CFTR: variants seen among roughly 807,000 people sequenced by gnomAD.
CFTR encodes the protein cystic fibrosis transmembrane conductance regulator.
In CFTR, 181 loss-of-function variants were observed where a neutral mutation model predicts 171.6. The observed-to-expected ratio is 1.05, with a 90% CI of 0.93 to 1.19. The LOEUF is 1.19. Ranked by LOEUF, CFTR falls within the 50% of genes most tolerant of loss-of-function variation. The pLI is 0.00. For synonymous variants in CFTR, 583 were observed against 608.0 expected (o/e 0.96, Z 0.60); for missense variants, 1,968 against 1,734.7 (o/e 1.13, Z -2.39).
At chr7:117,530,379 T>C (rs552404024) in intron 3 of CFTR, among the ~76,000 whole-genome samples, 2 of 152,284 alleles carry the variant, frequency 1.3e-5, no homozygotes, top group African/African-American at 4.8e-5. Flanking sequence ...AATAATGCCA[T>C]TGCACAAAAC....
chr7:117,544,229 TCTGGG>T (rs1456996808), intron 9 of CFTR, among the ~76,000 whole-genome samples: 236 of 152,336 alleles, frequency 1.5e-3, no homozygotes, highest in South Asian at 0.012. Context: ...GGAAGTGCTA[TCTGGG>T]TAACAGTAGT....
intron 11 of CFTR, among the ~76,000 whole-genome samples, chr7:117,584,921 T>C (rs1360365446): frequency 5.8e-5 from 3 of 52,152 alleles, no homozygotes; most frequent in Non-Finnish European, 9.5e-5. Flanking sequence ...ATTTTAGTTT[T>C]TTTTTTTTGT....
rs1354380640 is a variant in CFTR at position 117,555,920 on chromosome 7, C to T, written c.1393-3544C>T. On this transcript the variant is annotated intron_variant, in intron 10 of 26. Transcript: ENST00000003084. ...AGTTTTTGTGGAGTCAAAAATTATA[C>T]GTGGATTTTTGACTATACAGTGGGT... is the stretch of plus-strand genomic sequence containing the variant. Among the ~76,000 whole-genome samples, 2 of 152,028 alleles carry T rather than the reference C, an allele frequency of 1.3e-5. 1 individual carries two copies. The highest frequency in any genetic ancestry group is 4.8e-5 in the African/African-American group (2 of 41,386).
intron 11 of CFTR, among the ~76,000 whole-genome samples, chr7:117,567,877 A>C (rs561216480): frequency 2.0e-5 from 3 of 152,328 alleles, no homozygotes; most frequent in African/African-American, 4.8e-5. Flanking sequence ...TAGGGTTCTT[A>C]TGTAAGTCTA....
intron 24 of CFTR, among the ~76,000 whole-genome samples, chr7:117,664,296 C>A (rs531867183): frequency 3.3e-5 from 5 of 152,256 alleles, no homozygotes; most frequent in Non-Finnish European, 5.9e-5. Context: ...GAGGGCATAT[C>A]TGCAATGTAT....
chr7:117,540,306 A>C lies in CFTR; in HGVS notation c.1076A>C (p.Gln359Pro). 1 of 1,614,006 alleles carries C rather than the reference A, an allele frequency of 6.2e-7. No homozygotes were observed. The highest frequency in any genetic ancestry group is 1.1e-5 in the South Asian group (1 of 91,078). The change falls in exon 8 of 27, where the codon CAA becomes CCA. Residue 359 changes from glutamine (Q) to proline (P), a missense_variant. By Grantham distance (76) the Gln-to-Pro change is moderately conservative (BLOSUM62 -1). Transcript: ENST00000003084. ...ACTCGGCAATTTCCCTGGGCTGTAC[A>C]AACATGGTATGACTCTCTTGGAGCA... ...AVTRQFPWAV[Q>P]TWYDSLGAIN...
chr7:117,634,142 G>A (rs1792791577), intron 22 of CFTR, among the ~76,000 whole-genome samples: 1 of 151,914 alleles, frequency 6.6e-6, no homozygotes, highest in African/African-American at 2.4e-5. Flanking sequence ...TGTTTTGGAA[G>A]GTCATTAATT....
At chr7:117,540,939 A>T (rs752625014) in intron 8 of CFTR, among the ~76,000 whole-genome samples, 96 of 151,774 alleles carry the variant, frequency 6.3e-4, no homozygotes, top group Non-Finnish European at 1.1e-3. Context: ...GAGATGTCTC[A>T]CACACACACA....
chr7:117,534,417 A>G (rs748952496), intron 5 of CFTR, 52 bp downstream of exon 5: 1 of 1,008,372 alleles, frequency 9.9e-7, no homozygotes, highest in South Asian at 1.3e-5. Flanking sequence ...AAATTATACA[A>G]CTGGAAAGGC....
chr7:117,504,756 T>TAAAA (rs372341779), intron 2 of CFTR, among the ~76,000 whole-genome samples: 5 of 121,102 alleles, frequency 4.1e-5, no homozygotes, highest in Admixed American at 8.7e-5. Flanking sequence ...CCTCTCTCTC[T>TAAAA]AAAAAAAAAA....
At position 117,529,813 on chromosome 7, in the gene CFTR, G is replaced by A. The variant is rs35859638; in HGVS notation, c.274-1086G>A. On this transcript the variant is annotated intron_variant, in intron 3 of 26. Transcript: ENST00000003084. ...AAGGGATGAGGCAGAATAATGCTTG[G>A]CAATACCAGGGGTAGGCTGCAGTCT... Among the ~76,000 whole-genome samples, 821 of 152,186 alleles carry A rather than the reference G, an allele frequency of 5.4e-3. 7 individuals are homozygous for A. Among genetic ancestry groups the A allele is most frequent in the African/African-American group, 0.018 (766 of 41,534 alleles).
chr7:117,629,404 C>T (rs1584831173), intron 22 of CFTR, among the ~76,000 whole-genome samples: 1 of 152,124 alleles, frequency 6.6e-6, no homozygotes, highest in Middle Eastern at 3.4e-3. Flanking sequence ...ATAAGTTGAG[C>T]AAAGGAGCTT....
In CFTR at chr7:117,627,529, C is replaced by T. The variant is rs397508573; in HGVS notation, c.3476C>T (p.Ser1159Phe). The change falls in exon 22 of 27, where the codon TCT becomes TTT. Residue 1159 changes from serine (S) to phenylalanine (F), a missense_variant. Transcript: ENST00000003084. ...SSIDVDSLMR[S>F]VSRVFKFIDM... ...TTGTTATTTTTATTTCAGATGCGAT[C>T]TGTGAGCCGAGTCTTTAAGTTCATT... 3 of 1,613,090 alleles carry T rather than the reference C, an allele frequency of 1.9e-6. No individual in the cohort carries two copies. Among genetic ancestry groups the T allele is most frequent in the Non-Finnish European group, 2.5e-6 (3 of 1,179,330 alleles).
At chr7:117,548,947 G>T (rs1269668823) in intron 10 of CFTR, 124 bp downstream of exon 10, 6 of 1,347,400 alleles carry the variant, frequency 4.5e-6, no homozygotes, top group Non-Finnish European at 5.1e-6. Flanking sequence ...GAGAATGTAT[G>T]GGTGTAGTGT....
intron 9 of CFTR, among the ~76,000 whole-genome samples, chr7:117,542,864 T>C (rs1306769710): frequency 6.6e-6 from 1 of 152,210 alleles, no homozygotes; most frequent in South Asian, 2.1e-4. Context: ...CAGAGTACCA[T>C]GCACACAGTT....
At chr7:117,501,537 G>A (rs1032793642) in intron 1 of CFTR, among the ~76,000 whole-genome samples, 2 of 151,684 alleles carry the variant, frequency 1.3e-5, no homozygotes, top group Non-Finnish European at 2.9e-5. Context: ...CCTGAAGTCA[G>A]GGGTTCGAGA....
At chr7:117,647,532 C>A (rs760183069) in intron 23 of CFTR, 1 of 151,814 alleles carries the variant, frequency 6.6e-6, no homozygotes, top group Non-Finnish European at 1.5e-5. Flanking sequence ...AGAACAGCGC[C>A]AAGAGGATGG....
At position 117,665,490 on chromosome 7, in the gene CFTR, CA is replaced by C. The variant is rs397508690; in HGVS notation, c.4170del (p.Ala1391HisfsTer7). On this transcript the variant is annotated frameshift_variant, in exon 26 of 27. Transcript: ENST00000003084. LOFTEE classifies it high-confidence loss of function. ...TYQIIRRTLK[Q>X]AFADCTVILC... ...CCAAATAATTAGAAGAACTCTAAAA[CA>C]AGCATTTGCTGATTGCACAGTAATT... 3 of 1,612,096 alleles carry C rather than the reference CA, an allele frequency of 1.9e-6. No homozygotes were observed. The highest frequency in any genetic ancestry group is 2.5e-6 in the Non-Finnish European group (3 of 1,178,408).
chr7:117,600,631 A>G (rs371092352), intron 15 of CFTR, among the ~76,000 whole-genome samples: 14 of 152,032 alleles, frequency 9.2e-5, no homozygotes, highest in African/African-American at 3.4e-4. Flanking sequence ...GGGCAGCTTT[A>G]TGACAGTTGG....
Sources: gnomAD v4.1 joint callset for allele counts (sites outside exome capture counted in the v4.1 genomes callset) on GRCh38, gnomAD v4.1.1 for gene constraint, MANE v1.5 for transcripts, NCBI Gene and HGNC (gene_info 2026-07-23, HGNC 2026-07-21) for gene names.